The following ELL variants were observed in gnomAD, a reference collection of about 807,000 sequenced individuals.
ELL encodes the protein elongation factor for RNA polymerase II.
Under a neutral mutation model 64.0 loss-of-function variants are expected in ELL, and 18 were observed. That is an observed-to-expected ratio of 0.28 (90% CI 0.19 to 0.42). ELL has a LOEUF of 0.42. Among genes scored for constraint, ELL ranks in the 10% least tolerant of loss-of-function variants. The probability of loss-of-function intolerance (pLI) is 1.00; values close to 1 mark genes in which losing one functional copy is unlikely to be tolerated. For missense variants in ELL, 797 were observed against 870.4 expected (o/e 0.92, Z 1.06); for synonymous variants, 399 against 376.2 (o/e 1.06, Z -0.70).
intron 3 of ELL, 24 bp from the exon 4 acceptor site, chr19:18,465,599 G>A: frequency 1.3e-6 from 2 of 1,565,622 alleles, no homozygotes; most frequent in Non-Finnish European, 1.7e-6. Flanking sequence ...CCAGGAGCTG[G>A]GGTCAGCAGC....
intron 1 of ELL, among the ~76,000 whole-genome samples, chr19:18,485,709 C>T (rs1177161603): frequency 6.6e-6 from 1 of 151,896 alleles, no homozygotes; most frequent in Non-Finnish European, 1.5e-5. Flanking sequence ...GGGGATGGGC[C>T]GGGCGCGGTG....
intron 7 of ELL, 34 bp from the exon 8 acceptor site, chr19:18,451,009 C>G (rs1568376040): frequency 1.3e-6 from 2 of 1,493,304 alleles, no homozygotes; most frequent in East Asian, 4.6e-5. Context: ...TAGAGGGGAG[C>G]ACAGAGTGGC....
At chr19:18,487,435 T>A (rs1413784807) in intron 1 of ELL, among the ~76,000 whole-genome samples, 1 of 152,172 alleles carries the variant, frequency 6.6e-6, no homozygotes, top group East Asian at 1.9e-4. Flanking sequence ...CCACCTTGAG[T>A]GCTTAGGATG....
At position 18,443,253 on chromosome 19, in the gene ELL, G is replaced by A. The variant is rs57090569; in HGVS notation, c.*1499C>T. 1.3e-5 allele frequency: 3 copies of A among 232,438 alleles called. No individual in the cohort carries two copies. Among genetic ancestry groups the A allele is most frequent in the African/African-American group, 4.4e-5 (2 of 45,228 alleles). The allele number at this position is 232,438 out of a possible 1,614,324, so 14.4% of individuals were successfully genotyped here. A position where few individuals can be genotyped will look rare whatever the true frequency, so the allele number is the denominator to read the frequency against. On this transcript the variant is annotated 3_prime_UTR_variant, in exon 12 of 12. Coordinates refer to ENST00000262809, the MANE Select transcript of ELL (RefSeq NM_006532.4). ...ACAGCTATTGAAACATGAAGGATCAGTTTCCTCGGAGCTCTGGGAACCCGG... is the reference window on the plus strand; with the variant it reads ...ACAGCTATTGAAACATGAAGGATCAATTTCCTCGGAGCTCTGGGAACCCGG...
chr19:18,447,437 C>A (rs1974438637), intron 8 of ELL, among the ~76,000 whole-genome samples: 1 of 152,268 alleles, frequency 6.6e-6, no homozygotes. Context: ...CAGGACAGGG[C>A]CAGCCAGAGG....
intron 1 of ELL, among the ~76,000 whole-genome samples, chr19:18,477,269 G>C (rs373861708): frequency 6.6e-6 from 1 of 152,266 alleles, no homozygotes; most frequent in South Asian, 2.1e-4. Context: ...AAAGGGCAGC[G>C]AACTTGAAGA....
Position 18,444,925 on chromosome 19 carries a change from T to C in ELL, c.1750-57A>G, listed in dbSNP as rs553762827. ...AGCCGCCCTGGGTGCTGCTCCCCGC[T>C]GTAAGCAGGCCAGTGTCCCCCCCAA... On this transcript the variant is annotated intron_variant, in intron 11 of 11. Coordinates refer to ENST00000262809, the MANE Select transcript of ELL (RefSeq NM_006532.4). 4.5e-6 allele frequency: 7 copies of C among 1,549,080 alleles called. No individual in the cohort carries two copies. In the African/African-American group the frequency reaches 6.8e-5, roughly 15 times the overall value.
At chr19:18,444,924 CTGTA>C in intron 11 of ELL, 56 bp from the exon 12 acceptor site, 1 of 1,551,894 alleles carries the variant, frequency 6.4e-7, no homozygotes, top group African/African-American at 1.4e-5. Context: ...CTGCTCCCCG[CTGTA>C]AGCAGGCCAG....
intron 1 of ELL, among the ~76,000 whole-genome samples, chr19:18,515,827 G>A (rs1236515755): frequency 6.6e-6 from 1 of 152,224 alleles, no homozygotes; most frequent in Non-Finnish European, 1.5e-5. Flanking sequence ...TCAAGAGGCA[G>A]TATGGGCCAG....
At chr19:18,512,365 C>T (rs751164691) in intron 1 of ELL, among the ~76,000 whole-genome samples, 1 of 151,992 alleles carries the variant, frequency 6.6e-6, no homozygotes, top group Non-Finnish European at 1.5e-5. Flanking sequence ...AGGCCAGGTG[C>T]GGTGACTCAC....
chr19:18,517,571 T>C (rs944091845), intron 1 of ELL, among the ~76,000 whole-genome samples: 11 of 151,644 alleles, frequency 7.3e-5, no homozygotes, highest in Admixed American at 2.6e-4. Context: ...GGTTTTTATA[T>C]TCAAAGAAAA....
chr19:18,448,063 GGCA>G (rs1974453140), intron 8 of ELL, among the ~76,000 whole-genome samples: 1 of 151,628 alleles, frequency 6.6e-6, no homozygotes, highest in African/African-American at 2.4e-5. Flanking sequence ...TGGGATTAAA[GGCA>G]TGAACCACCA....
chr19:18,510,328 AC>A (rs1975990077), intron 1 of ELL, among the ~76,000 whole-genome samples: 1 of 152,178 alleles, frequency 6.6e-6, no homozygotes, highest in African/African-American at 2.4e-5. Context: ...CAAGAATCAC[AC>A]CACTGCACAC....
At chr19:18,516,528 G>A (rs1976134101) in intron 1 of ELL, among the ~76,000 whole-genome samples, 1 of 150,914 alleles carries the variant, frequency 6.6e-6, no homozygotes, top group African/African-American at 2.5e-5. Flanking sequence ...CTCGTGACAT[G>A]AGGGGCCCAT....
rs372970180 is a variant in ELL at position 18,461,587 on chromosome 19, G to A, written c.735C>T (p.Leu245=). 3 of 1,599,160 alleles carry A rather than the reference G, an allele frequency of 1.9e-6. No individual in the cohort carries two copies. Among genetic ancestry groups the A allele is most frequent in the Admixed American group, 3.3e-5 (2 of 59,924 alleles). The change falls in exon 5 of 12, where the codon CTC becomes CTT. Residue 245 remains leucine (L), a synonymous_variant. Coordinates refer to ENST00000262809, the MANE Select transcript of ELL (RefSeq NM_006532.4). ...TQADKDALDG[L]LQQVANMSAK... ...TCGGGGCGGCACCCACCTGCTGGAG[G>A]AGGCCATCCAGCGCGTCCTTGTCCG...
At chr19:18,478,090 C>A (rs1378552711) in intron 1 of ELL, among the ~76,000 whole-genome samples, 1 of 152,140 alleles carries the variant, frequency 6.6e-6, no homozygotes. Flanking sequence ...ACGGTGGGAC[C>A]AGCTGTCACC....
intron 1 of ELL, among the ~76,000 whole-genome samples, 200 bp downstream of exon 1, chr19:18,521,721 G>A (rs1373188935): frequency 6.6e-6 from 1 of 152,064 alleles, no homozygotes; most frequent in East Asian, 1.9e-4. Context: ...CGCCTGTATT[G>A]CCTCCTAGTG....
chr19:18,497,927 G>A (rs572817769), intron 1 of ELL, among the ~76,000 whole-genome samples: 67 of 151,508 alleles, frequency 4.4e-4, no homozygotes, highest in African/African-American at 1.2e-3. Flanking sequence ...TCGGGAGTTC[G>A]AGACCAGCCT....
At chr19:18,520,301 G>A (rs1412463602) in intron 1 of ELL, among the ~76,000 whole-genome samples, 1 of 152,092 alleles carries the variant, frequency 6.6e-6, no homozygotes, top group Non-Finnish European at 1.5e-5. Flanking sequence ...CTGCCTTCCT[G>A]CAGGACAAGT....
Sources: gnomAD v4.1 joint callset for allele counts (sites outside exome capture counted in the v4.1 genomes callset) on GRCh38, gnomAD v4.1.1 for gene constraint, MANE v1.5 for transcripts, NCBI Gene and HGNC (gene_info 2026-07-23, HGNC 2026-07-21) for gene names.